The following SLC17A6 variants were observed in gnomAD, a reference collection of about 807,000 sequenced individuals.
The protein encoded by SLC17A6 is solute carrier family 17 member 6.
A neutral mutation model predicts 67.1 loss-of-function variants in SLC17A6; 35 were observed. The observed-to-expected ratio is 0.52, with a 90% confidence interval of 0.40 to 0.69. The LOEUF (loss-of-function observed/expected upper bound fraction) is 0.69, where lower values mean the gene tolerates loss of function less well. SLC17A6 is among the 30% of genes least tolerant of loss of function. The pLI is 0.00. For synonymous variants in SLC17A6, 285 were observed against 252.3 expected (o/e 1.13, Z -1.23); for missense variants, 588 against 723.9 (o/e 0.81, Z 2.15).
At chr11:22,363,848 G>A (rs560773236) in intron 6 of SLC17A6, among the ~76,000 whole-genome samples, 3 of 152,058 alleles carry the variant, frequency 2.0e-5, no homozygotes, top group South Asian at 2.1e-4. Flanking sequence ...CATTTTCAAA[G>A]GAGTGCATAA....
At chr11:22,369,736 A>C (rs770360996) in intron 7 of SLC17A6, among the ~76,000 whole-genome samples, 1 of 151,868 alleles carries the variant, frequency 6.6e-6, no homozygotes, top group African/African-American at 2.4e-5. Flanking sequence ...GGAAAAAAAA[A>C]CCTTAAGAAA....
intron 3 of SLC17A6, among the ~76,000 whole-genome samples, chr11:22,351,498 T>C (rs1397538164): frequency 1.3e-5 from 2 of 152,168 alleles, no homozygotes; most frequent in Non-Finnish European, 2.9e-5. Context: ...GAAAACTGAA[T>C]ACAGAATCGT....
chr11:22,377,189 T>G (rs997600910), intron 11 of SLC17A6, among the ~76,000 whole-genome samples: 1 of 152,240 alleles, frequency 6.6e-6, no homozygotes, highest in African/African-American at 2.4e-5. Context: ...GATATATTTG[T>G]AATTTTATTT....
At chr11:22,365,726 T>C (rs572497197) in intron 7 of SLC17A6, 37 bp downstream of exon 7, 1 of 1,582,602 alleles carries the variant, frequency 6.3e-7, no homozygotes, top group African/African-American at 1.4e-5. Context: ...CCTATCTTAT[T>C]CCCATCTCGC....
At chr11:22,367,388 T>C (rs981062294) in intron 7 of SLC17A6, among the ~76,000 whole-genome samples, 2 of 152,220 alleles carry the variant, frequency 1.3e-5, no homozygotes, top group Non-Finnish European at 2.9e-5. Context: ...TTCAATGGTT[T>C]AAACAAATCT....
In SLC17A6 at chr11:22,362,742, C is replaced by T; in HGVS notation, c.665C>T (p.Ser222Phe). ...CCCATTCTTCCTTACACTTTAGGTT[C>T]CTATGCCGGAGCTGTGATTGCAATG... ...SRLATTSFCG[S>F]YAGAVIAMPL... The change falls in exon 6 of 12, where the codon TCC becomes TTC. Residue 222 changes from serine to phenylalanine, a missense_variant. By Grantham distance (155) the Ser-to-Phe change is radical. This residue lies in a region of SLC17A6 where 414 missense variants were observed against 563.4 expected (regional missense o/e 0.73). Transcript: ENST00000263160. The T allele has an allele frequency of 6.2e-7, 1 of 1,613,322 alleles. No homozygotes were observed. Among genetic ancestry groups the T allele is most frequent in the Non-Finnish European group, 8.5e-7 (1 of 1,179,318 alleles).
rs1024474372 is a variant in SLC17A6 at position 22,379,170 on chromosome 11, A to G, written c.*1430A>G. ...TTTCTTTTAAAAAAGCTAACATCAG[A>G]CCCCTTTATAATGTCCTAAAATTAT... On this transcript the variant is annotated 3_prime_UTR_variant, in exon 12 of 12. Transcript: ENST00000263160. The G allele has an allele frequency of 2.6e-5, 4 of 152,388 alleles. No individual in the cohort carries two copies. Among genetic ancestry groups the G allele is most frequent in the Non-Finnish European group, 4.4e-5 (3 of 67,952 alleles). The allele number at this position is 152,388 out of a possible 1,614,324, so 9.4% of individuals were successfully genotyped here.
At chr11:22,360,491 A>G (rs1856039993) in intron 4 of SLC17A6, among the ~76,000 whole-genome samples, 1 of 151,648 alleles carries the variant, frequency 6.6e-6, no homozygotes, top group Admixed American at 6.6e-5. Context: ...AAAAATAATA[A>G]TAATAAAAAA....
chr11:22,370,190 T>C lies in SLC17A6; in HGVS notation c.1041+2T>C. 2 of 1,599,438 alleles carry C rather than the reference T, an allele frequency of 1.3e-6. No individual in the cohort carries two copies. The highest frequency in any genetic ancestry group is 8.5e-7 in the Non-Finnish European group (1 of 1,174,908). On this transcript the variant is annotated splice_donor_variant, in intron 8 of 11. Coordinates refer to ENST00000263160, the MANE Select transcript of SLC17A6 (RefSeq NM_020346.3). LOFTEE classifies it high-confidence loss of function. ...GTCTTTGGATTTGAAATTAGCAAGG[T>C]ATGTAAAATGTATTCTTATATAAAT...
At chr11:22,366,820 C>T (rs896048353) in intron 7 of SLC17A6, among the ~76,000 whole-genome samples, 22 of 151,930 alleles carry the variant, frequency 1.4e-4, no homozygotes, top group African/African-American at 5.3e-4. Context: ...GTCTGGCCAA[C>T]ATGGGAAACC....
Position 22,363,231 on chromosome 11 carries a change from A to AG in SLC17A6, c.748+413dup, listed in dbSNP as rs969146691. The stretch of plus-strand genomic sequence containing the variant: ...GATTGAATGGGGGTGGAAAGCTGAA[A>AG]GGGGGGGTGGAAAGCTGAAAGGGGG... On this transcript the variant is annotated intron_variant, in intron 6 of 11. Coordinates refer to ENST00000263160, the MANE Select transcript of SLC17A6 (RefSeq NM_020346.3). 8.2e-5 allele frequency among the ~76,000 whole-genome samples: 10 copies of AG among 122,566 alleles called. No individual in the cohort carries two copies. The South Asian group carries it at 1.3e-3, about 15-fold the overall frequency. 80.4% of individuals were successfully genotyped at this position (122,566 alleles called of 152,430 possible).
intron 3 of SLC17A6, among the ~76,000 whole-genome samples, chr11:22,351,264 G>T (rs1855934423): frequency 6.6e-6 from 1 of 151,964 alleles, no homozygotes; most frequent in Non-Finnish European, 1.5e-5. Context: ...AGATTCAAGG[G>T]ATACATGTAC....
At position 22,377,650 on chromosome 11, in the gene SLC17A6, T is replaced by C. The variant is rs1856246951; in HGVS notation, c.1659T>C (p.Gly553=). 3 of 1,613,882 alleles carry C rather than the reference T, an allele frequency of 1.9e-6. No homozygotes were observed. Among genetic ancestry groups the C allele is most frequent in the East Asian group, 4.5e-5 (2 of 44,872 alleles). ...GTGCCACAACACAGGCCAATGGAGG[T>C]TGGCCTAGTGGTTGGGAAAAGAAAG... The part of the protein sequence containing the change: ...SYGATTQANG[G]WPSGWEKKEE... Residue 553 remains glycine (G), a synonymous_variant, in exon 12 of 12, where the codon GGT becomes GGC. Coordinates refer to ENST00000263160, the MANE Select transcript of SLC17A6 (RefSeq NM_020346.3).
At chr11:22,351,130 G>C (rs1014572125) in intron 3 of SLC17A6, among the ~76,000 whole-genome samples, 1 of 151,768 alleles carries the variant, frequency 6.6e-6, no homozygotes, top group East Asian at 1.9e-4. Context: ...TTACATTTCG[G>C]GAGGCAGGTG....
At chr11:22,370,767 C>T (rs1431372059) in intron 8 of SLC17A6, among the ~76,000 whole-genome samples, 1 of 152,108 alleles carries the variant, frequency 6.6e-6, no homozygotes, top group Non-Finnish European at 1.5e-5. Context: ...CCTCAAAATG[C>T]TCACAGCTTG....
In SLC17A6 at chr11:22,378,279, A is replaced by G. The variant is rs1856254392; in HGVS notation, c.*539A>G. 2 of 153,030 alleles carry G rather than the reference A, an allele frequency of 1.3e-5. No homozygotes were observed. Among genetic ancestry groups the G allele is most frequent in the South Asian group, 4.1e-4 (2 of 4,840 alleles). 9.5% of individuals were successfully genotyped at this position (153,030 alleles called of 1,614,324 possible). On this transcript the variant is annotated 3_prime_UTR_variant, in exon 12 of 12. Coordinates refer to ENST00000263160, the MANE Select transcript of SLC17A6 (RefSeq NM_020346.3). ...TACTGAATAACTATTAGAATTGCAT[A>G]ATGTGAGATATTTTGTTAGTCCTCA...
intron 1 of SLC17A6, 83 bp from the exon 2 acceptor site, chr11:22,341,445 C>T: frequency 5.2e-6 from 8 of 1,542,884 alleles, no homozygotes; most frequent in Non-Finnish European, 7.0e-6. Flanking sequence ...CCAACCCCGA[C>T]GGGTCCTGAA....
At chr11:22,362,233 GC>G in intron 5 of SLC17A6, 2 of 473,048 alleles carry the variant, frequency 4.2e-6, no homozygotes, top group Non-Finnish European at 4.1e-6. Context: ...ACATCTTCTG[GC>G]CATGCTTTGA....
At chr11:22,368,376 A>G (rs975933693) in intron 7 of SLC17A6, among the ~76,000 whole-genome samples, 4 of 152,086 alleles carry the variant, frequency 2.6e-5, no homozygotes, top group South Asian at 2.1e-4. Flanking sequence ...ATATATTTAA[A>G]TATAGCATAT....
Sources: gnomAD v4.1 joint callset for allele counts (sites outside exome capture counted in the v4.1 genomes callset) on GRCh38, gnomAD v4.1.1 for gene constraint, gnomAD v4.1.1 regional missense constraint, MANE v1.5 for transcripts, NCBI Gene and HGNC (gene_info 2026-07-23, HGNC 2026-07-21) for gene names.